Variants in DMD observed in about 807,000 individuals in gnomAD.
DMD encodes dystrophin.
A neutral mutation model predicts 330.1 loss-of-function variants in DMD; 63 were observed. That is an observed-to-expected ratio of 0.19 (90% CI 0.16 to 0.24). DMD has a LOEUF of 0.24. Ranked by LOEUF, DMD falls within the 10% of genes least tolerant of loss-of-function variation. DMD has a pLI of 1.00. For synonymous variants in DMD, 1,223 were observed against 959.8 expected (o/e 1.27, Z -5.07); for missense variants, 3,344 against 2,684.1 (o/e 1.25, Z -5.43).
intron 59 of DMD, among the ~76,000 whole-genome samples, chrX:31,477,297 G>T (rs1328792030): frequency 9.0e-6 from 1 of 111,440 alleles, no homozygotes; most frequent in Non-Finnish European, 1.9e-5. Context: ...GAAGAACATG[G>T]ATGGAACAGT....
chrX:32,821,194 G>A (rs781191594), intron 5 of DMD, among the ~76,000 whole-genome samples: 13 of 111,524 alleles, frequency 1.2e-4, no homozygotes, highest in African/African-American at 3.9e-4. Flanking sequence ...AAAAATATAT[G>A]GGGGCCAATT....
chrX:32,041,279 C>T (rs2096000094), intron 44 of DMD, among the ~76,000 whole-genome samples: 1 of 111,872 alleles, frequency 8.9e-6, no homozygotes, highest in African/African-American at 3.2e-5. Flanking sequence ...AGACCTGTTT[C>T]GCCCACATTG....
At chrX:31,652,434 T>C (rs5927790) in intron 54 of DMD, among the ~76,000 whole-genome samples, 11,808 of 111,390 alleles carry the variant, frequency 0.11, 550 homozygotes, top group Middle Eastern at 0.18. Flanking sequence ...CATTGCTCTA[T>C]ACCAAGTACC....
intron 77 of DMD, among the ~76,000 whole-genome samples, chrX:31,131,312 A>G (rs1030094876): frequency 2.0e-4 from 22 of 112,408 alleles, no homozygotes; most frequent in Non-Finnish European, 4.1e-4. Flanking sequence ...TTAAATAAAT[A>G]AAATAGAAAA....
At chrX:32,575,755 C>T (rs975579642) in intron 13 of DMD, among the ~76,000 whole-genome samples, 2 of 111,650 alleles carry the variant, frequency 1.8e-5, no homozygotes, top group African/African-American at 3.3e-5. Context: ...ATCTACCTGA[C>T]GTGATGATGC....
At chrX:31,733,001 A>G (rs2086621842) in intron 51 of DMD, among the ~76,000 whole-genome samples, 1 of 111,621 alleles carries the variant, frequency 9.0e-6, no homozygotes, top group Non-Finnish European at 1.9e-5. Context: ...AGAGGAAACA[A>G]AACACAGGAG....
At chrX:33,235,916 A>ATTATTT (rs1453576371) in intron 1 of DMD, among the ~76,000 whole-genome samples, 5 of 87,137 alleles carry the variant, frequency 5.7e-5, no homozygotes, top group African/African-American at 2.1e-4. Context: ...TATTATTATT[A>ATTATTT]TTTTTTTTTT....
intron 52 of DMD, among the ~76,000 whole-genome samples, chrX:31,713,600 G>A (rs905078880): frequency 8.9e-6 from 1 of 111,828 alleles, no homozygotes. Context: ...ACGGATGGAT[G>A]TACAGAGCGA....
At chrX:33,009,927 C>CAT (rs1383602107) in intron 2 of DMD, among the ~76,000 whole-genome samples, 1 of 52,624 alleles carries the variant, frequency 1.9e-5, no homozygotes, top group Non-Finnish European at 3.4e-5. Context: ...TGTGTGTATA[C>CAT]ACATGTGTGT....
chrX:31,866,471 A>G (rs1056806761), intron 48 of DMD, among the ~76,000 whole-genome samples: 6 of 112,070 alleles, frequency 5.4e-5, no homozygotes, highest in African/African-American at 6.5e-5. Context: ...CATAAATTAC[A>G]TATCAGGGCA....
In DMD at chrX:33,182,830, C is replaced by T. The variant is rs371788022; in HGVS notation, c.31+28452G>A. 5.3e-4 allele frequency among the ~76,000 whole-genome samples: 59 copies of T among 112,231 alleles called. 1 individual carries two copies. The highest frequency in any genetic ancestry group is 4.7e-3 in the South Asian group (13 of 2,747). On this transcript the variant is annotated intron_variant, in intron 1 of 78. Coordinates refer to ENST00000357033, the MANE Select transcript of DMD (RefSeq NM_004006.3). ...AATCCTATCAAGGAAAATAAGCCTACAGAAAACTAACTTTTTGTGATAAAA... is the reference window on the plus strand; with the variant it reads ...AATCCTATCAAGGAAAATAAGCCTATAGAAAACTAACTTTTTGTGATAAAA...
chrX:33,107,821 A>C (rs2095304700), intron 1 of DMD, among the ~76,000 whole-genome samples: 1 of 112,014 alleles, frequency 8.9e-6, no homozygotes, highest in Admixed American at 9.5e-5. Flanking sequence ...TTTATAAATT[A>C]ATAATGACTT....
In DMD at chrX:31,496,712, A is replaced by G. The variant is rs756414376; in HGVS notation, c.8547+76T>C. The G allele has an allele frequency of 2.7e-6, 3 of 1,125,805 alleles. No homozygotes were observed. The African/African-American group carries it at 5.4e-5, about 20-fold the overall frequency. 92.8% of individuals were successfully genotyped at this position (1,125,805 alleles called of 1,213,427 possible). ...ATTTCTATTCAACTTAATTTCAAAC[A>G]AAATTAATTTTAAAATAGTCACTGG... On this transcript the variant is annotated intron_variant, in intron 57 of 78. Transcript: ENST00000357033.
chrX:32,392,597 C>A (rs2098011884), intron 30 of DMD, among the ~76,000 whole-genome samples: 1 of 111,574 alleles, frequency 9.0e-6, no homozygotes, highest in Non-Finnish European at 1.9e-5. Flanking sequence ...GCAATAATAG[C>A]TCCCACAGCA....
chrX:32,349,311 T>A (rs1466569529), intron 37 of DMD, among the ~76,000 whole-genome samples: 4 of 111,472 alleles, frequency 3.6e-5, no homozygotes, highest in African/African-American at 1.3e-4. Flanking sequence ...GTTATTAGAT[T>A]AAAATTCTGT....
chrX:32,287,805 G>T, intron 42 of DMD, 104 bp from the exon 43 acceptor site: 2 of 556,979 alleles, frequency 3.6e-6, no homozygotes, highest in Non-Finnish European at 5.3e-6. Context: ...AAATGGTGTT[G>T]CAATTCTTAA....
intron 63 of DMD, among the ~76,000 whole-genome samples, chrX:31,249,325 C>G (rs1010762344): frequency 9.0e-6 from 1 of 110,979 alleles, no homozygotes; most frequent in South Asian, 3.9e-4. Context: ...CACTGCAACC[C>G]GTGCCTCCCA....
At chrX:32,975,590 C>A (rs2147169369) in intron 2 of DMD, among the ~76,000 whole-genome samples, 1 of 110,451 alleles carries the variant, frequency 9.1e-6, no homozygotes, top group Non-Finnish European at 1.9e-5. Context: ...CCAGTCATGG[C>A]CTTTTGGCAT....
In DMD at chrX:31,378,636, C is replaced by T. The variant is rs187375504; in HGVS notation, c.9085-30002G>A. The stretch of plus-strand genomic sequence containing the variant: ...CTTTAGCGGCAAGTACCGCTTTTCT[C>T]GGGGGCAAGAACCCCCCAACCCTTC... On this transcript the variant is annotated intron_variant, in intron 60 of 78. Coordinates refer to ENST00000357033, the MANE Select transcript of DMD (RefSeq NM_004006.3). Among the ~76,000 whole-genome samples the T allele has an allele frequency of 2.1e-4, 23 of 109,593 alleles. 1 individual carries two copies. The East Asian group carries it at 6.1e-3, about 29-fold the overall frequency.
Sources: gnomAD v4.1 joint callset for allele counts (sites outside exome capture counted in the v4.1 genomes callset) on GRCh38, gnomAD v4.1.1 for gene constraint, MANE v1.5 for transcripts, NCBI Gene and HGNC (gene_info 2026-07-23, HGNC 2026-07-21) for gene names.